The following RUSC2 variants were observed in gnomAD, a reference collection of about 807,000 sequenced individuals.
RUSC2 encodes the protein RUN and SH3 domain containing 2, also known as AP-4 complex accessory subunit RUSC2.
In RUSC2, 34 loss-of-function variants were observed where a neutral mutation model predicts 122.2. The observed-to-expected ratio is 0.28, with a 90% CI of 0.21 to 0.37. The LOEUF (loss-of-function observed/expected upper bound fraction) is 0.37. Ranked by LOEUF, RUSC2 falls within the 10% of genes least tolerant of loss-of-function variation. The pLI is 1.00. For missense variants in RUSC2, 1,747 were observed against 1,952.4 expected, an observed-to-expected ratio of 0.89 and a Z score of 1.98; for synonymous variants, 784 against 790.0, an observed-to-expected ratio of 0.99 and a Z score of 0.13.
intron 1 of RUSC2, chr9:35,538,636 T>C (rs1821576890): frequency 6.6e-6 from 1 of 152,414 alleles, no homozygotes; most frequent in African/African-American, 2.4e-5. Flanking sequence ...CCAGACATCT[T>C]CCCTGAGATG....
chr9:35,548,987 A>G lies in RUSC2; in HGVS notation c.2014+452A>G. 2 of 858,436 alleles carry G rather than the reference A, an allele frequency of 2.3e-6. No individual in the cohort carries two copies. Among genetic ancestry groups the G allele is most frequent in the Non-Finnish European group, 2.8e-6 (2 of 714,146 alleles). 53.2% of individuals were successfully genotyped at this position (858,436 alleles called of 1,614,324 possible). A position where few individuals can be genotyped will look rare whatever the true frequency, so the allele number is the denominator to read the frequency against. On this transcript the variant is annotated intron_variant, in intron 2 of 11. Coordinates refer to ENST00000361226, the MANE Select transcript of RUSC2 (RefSeq NM_014806.5). The surrounding 1 kb of genome is among the most constrained non-coding windows in gnomAD (Gnocchi z 4.5). The stretch of plus-strand genomic sequence containing the variant: ...GTGGAGGTTGCACTGAGCTGAGATC[A>G]TACCACTGCACTCCAGCCTGGGCAG...
chr9:35,510,439 C>A (rs935547598), intron 1 of RUSC2, among the ~76,000 whole-genome samples: 1 of 152,218 alleles, frequency 6.6e-6, no homozygotes, highest in Admixed American at 6.5e-5. Flanking sequence ...ATTGGCCTCC[C>A]TGGATGGAGC....
chr9:35,498,816 G>A (rs923987618), intron 1 of RUSC2, among the ~76,000 whole-genome samples: 26 of 149,230 alleles, frequency 1.7e-4, no homozygotes, highest in African/African-American at 5.7e-4. Context: ...AGCCGAGATC[G>A]CCTGGCGACA....
At chr9:35,533,224 G>T (rs916030181) in intron 1 of RUSC2, among the ~76,000 whole-genome samples, 2 of 147,340 alleles carry the variant, frequency 1.4e-5, no homozygotes, top group African/African-American at 4.9e-5. Flanking sequence ...TCCAGCCTGG[G>T]TGACAGAGCG....
intron 1 of RUSC2, among the ~76,000 whole-genome samples, chr9:35,517,814 T>C (rs1030012107): frequency 6.6e-6 from 1 of 152,130 alleles, no homozygotes; most frequent in Non-Finnish European, 1.5e-5. Context: ...ATGACCATGA[T>C]ATTTCTGAAA....
intron 2 of RUSC2, chr9:35,549,276 C>T: frequency 6.4e-6 from 6 of 943,036 alleles, no homozygotes; most frequent in Non-Finnish European, 7.6e-6. Flanking sequence ...AACACACACA[C>T]ACTGGGCGTC....
rs1563877371 is a variant in RUSC2 at position 35,561,080 on chromosome 9, G to A, written c.4332G>A (p.Leu1444=). 1 of 1,613,972 alleles carries A rather than the reference G, an allele frequency of 6.2e-7. No homozygotes were observed. The highest frequency in any genetic ancestry group is 2.2e-5 in the East Asian group (1 of 44,888). The change falls in exon 11 of 12, where the codon CTG becomes CTA. Residue 1444 remains leucine, a synonymous_variant. Transcript: ENST00000361226. ...ESLQEPHSPA[L]PSSPPCEVQA... ...TGCAGGAGCCACACTCCCCAGCCCT[G>A]CCCTCCAGTCCTCCGTGGTAAGCCT...
chr9:35,544,588 G>A (rs576565207), intron 1 of RUSC2, among the ~76,000 whole-genome samples: 1 of 152,268 alleles, frequency 6.6e-6, no homozygotes, highest in Admixed American at 6.5e-5. Flanking sequence ...TTACGGGCGT[G>A]AGCCACTGTG....
intron 1 of RUSC2, among the ~76,000 whole-genome samples, chr9:35,521,822 A>G (rs1821221266): frequency 1.3e-5 from 2 of 152,228 alleles, no homozygotes; most frequent in African/African-American, 4.8e-5. Context: ...GTCCAAAATA[A>G]CATGATACGA....
rs571753594 is a variant in RUSC2, at chr9:35,522,515, C to G, written c.-92-23915C>G. ...ACCCTGAAACTTTCTTTTTGCTGTT[C>G]TGGCCTCCAGAGGCATATTGGCAAT... On this transcript the variant is annotated intron_variant, in intron 1 of 11. Transcript: ENST00000361226. Among the ~76,000 whole-genome samples the G allele has an allele frequency of 5.3e-5, 8 of 152,314 alleles. No individual in the cohort carries two copies. In the South Asian group the frequency reaches 1.2e-3, roughly 24 times the overall value.
intron 1 of RUSC2, among the ~76,000 whole-genome samples, chr9:35,506,722 A>G (rs1477392730): frequency 6.6e-6 from 1 of 152,200 alleles, no homozygotes; most frequent in Non-Finnish European, 1.5e-5. Context: ...GTCAGTGCTG[A>G]CTGGTTGACT....
Position 35,547,943 on chromosome 9 carries a change from T to C in RUSC2, c.1422T>C (p.Thr474=). 1 of 1,614,220 alleles carries C rather than the reference T, an allele frequency of 6.2e-7. No individual in the cohort carries two copies. The highest frequency in any genetic ancestry group is 2.2e-5 in the East Asian group (1 of 44,882). ...STQAAAAVGP[T]VLEGQVYTNT... ...AAGCAGCAGCTGCTGTGGGCCCCAC[T>C]GTGCTTGAGGGACAAGTATACACGA... The change falls in exon 2 of 12, where the codon ACT becomes ACC. Residue 474 remains threonine, a synonymous_variant. Coordinates refer to ENST00000361226, the MANE Select transcript of RUSC2 (RefSeq NM_014806.5). This position sits in a 1 kb window ranked among gnomAD's most constrained non-coding sequence, Gnocchi z 4.6.
chr9:35,526,215 G>T (rs1821323144), intron 1 of RUSC2, among the ~76,000 whole-genome samples: 1 of 152,140 alleles, frequency 6.6e-6, no homozygotes, highest in Non-Finnish European at 1.5e-5. Context: ...TTTATTTTGA[G>T]CACCCTGGAT....
intron 1 of RUSC2, among the ~76,000 whole-genome samples, chr9:35,535,577 A>C (rs988904425): frequency 3.3e-5 from 4 of 121,444 alleles, no homozygotes; most frequent in Non-Finnish European, 4.8e-5. Context: ...CTTGCTCTGT[A>C]GCCCAGGCTG....
At chr9:35,498,810 G>A (rs1464195309) in intron 1 of RUSC2, among the ~76,000 whole-genome samples, 5 of 148,394 alleles carry the variant, frequency 3.4e-5, no homozygotes, top group East Asian at 3.9e-4. Flanking sequence ...GCAGTGAGCC[G>A]AGATCGCCTG....
intron 1 of RUSC2, among the ~76,000 whole-genome samples, chr9:35,515,711 C>T (rs111513983): frequency 0.012 from 1,766 of 151,996 alleles, 15 homozygotes; most frequent in Non-Finnish European, 0.015. Flanking sequence ...TAGAAATGCA[C>T]TTATGGGCCA....
chr9:35,556,378 T>C lies in RUSC2; in HGVS notation c.2913T>C (p.Pro971=). Residue 971 remains proline, a synonymous_variant, in exon 5 of 12, where the codon CCT becomes CCC. Coordinates refer to ENST00000361226, the MANE Select transcript of RUSC2 (RefSeq NM_014806.5). The stretch of plus-strand genomic sequence containing the variant: ...ACCCCTTTTCCTTGACGGAGAAGCC[T>C]CCAGCTGAGTTTTGTCTGTCCCCAG... ...FQDPFSLTEK[P]PAEFCLSPDG... 1 of 1,614,230 alleles carries C rather than the reference T, an allele frequency of 6.2e-7. No individual in the cohort carries two copies. The highest frequency in any genetic ancestry group is 8.5e-7 in the Non-Finnish European group (1 of 1,180,034).
Position 35,560,114 on chromosome 9 carries a change from G to A in RUSC2, c.3474G>A (p.Leu1158=). The change falls in exon 10 of 12, where the codon CTG becomes CTA. Residue 1158 remains leucine, a synonymous_variant. Coordinates refer to ENST00000361226, the MANE Select transcript of RUSC2 (RefSeq NM_014806.5). ...CCGGCCTCTTTGAAGAGCTGCTGCT[G>A]CTGCTACAGCCCCTGGCCCTGCTGC... ...VCPGLFEELL[L]LLQPLALLPF... 1 of 1,612,880 alleles carries A rather than the reference G, an allele frequency of 6.2e-7. No individual in the cohort carries two copies. Among genetic ancestry groups the A allele is most frequent in the Non-Finnish European group, 8.5e-7 (1 of 1,179,990 alleles).
Position 35,547,016 on chromosome 9 carries a change from G to A in RUSC2, c.495G>A (p.Arg165=). Reference sequence around the variant, plus strand: ...GGCCATGGGGGACAACACGCAGTCGGGCTGGAGTGGTGGAAGGGCAGGAAC... The same window carrying A: ...GGCCATGGGGGACAACACGCAGTCGAGCTGGAGTGGTGGAAGGGCAGGAAC... ...VGRPWGTTRS[R]AGVVEGQEQE... is the part of the protein sequence containing the mutation. Residue 165 remains arginine (R), a synonymous_variant, in exon 2 of 12, where the codon CGG becomes CGA. Transcript: ENST00000361226. The surrounding 1 kb of genome is among the most constrained non-coding windows in gnomAD (Gnocchi z 4.6). The A allele has an allele frequency of 6.2e-7, 1 of 1,607,178 alleles. No homozygotes were observed. Among genetic ancestry groups the A allele is most frequent in the East Asian group, 2.2e-5 (1 of 44,790 alleles).
Sources: gnomAD v4.1 joint callset for allele counts (sites outside exome capture counted in the v4.1 genomes callset) on GRCh38, gnomAD v4.1.1 for gene constraint, Gnocchi (gnomAD v3.1) non-coding constraint, MANE v1.5 for transcripts, NCBI Gene and HGNC (gene_info 2026-07-23, HGNC 2026-07-21) for gene names.